The following PAK5 variants were observed in gnomAD, a reference collection of about 807,000 sequenced individuals.
PAK5 encodes p21 (RAC1) activated kinase 5.
Under a neutral mutation model 65.9 loss-of-function variants are expected in PAK5, and 16 were observed. The observed-to-expected ratio is 0.24, with a 90% CI of 0.16 to 0.37. The LOEUF (loss-of-function observed/expected upper bound fraction) is 0.37, where lower values mean the gene tolerates loss of function less well. PAK5 is among the 10% of genes least tolerant of loss of function. The pLI, the probability that PAK5 is intolerant of heterozygous loss-of-function variation, is 1.00. For synonymous variants in PAK5, 371 were observed against 354.9 expected (o/e 1.05, Z -0.51); for missense variants, 785 against 903.9 (o/e 0.87, Z 1.69).
rs192034265 is a variant in PAK5, at chr20:9,561,236, C to T, written c.1616+1655G>A. 1.5e-3 allele frequency among the ~76,000 whole-genome samples: 224 copies of T among 152,202 alleles called. 1 individual carries two copies. Among genetic ancestry groups the T allele is most frequent in the Middle Eastern group, 6.8e-3 (2 of 294 alleles). ...AAAATGGATTTTAGGGACAGACTGT[C>T]TTGAGTGGTTTCCATGGATACAAAA... On this transcript the variant is annotated intron_variant, in intron 6 of 9. Transcript: ENST00000353224.
chr20:9,717,095 A>AAAAAAAAAG (rs1158800869), intron 1 of PAK5, among the ~76,000 whole-genome samples: 28 of 152,192 alleles, frequency 1.8e-4, no homozygotes, highest in African/African-American at 6.5e-4. Context: ...AAAAAAAAAA[A>AAAAAAAAAG]AAAGAAAGAA....
intron 8 of PAK5, among the ~76,000 whole-genome samples, chr20:9,543,261 C>T (rs2045294957): frequency 6.6e-6 from 1 of 152,134 alleles, no homozygotes; most frequent in Non-Finnish European, 1.5e-5. Context: ...TGCACAAAAC[C>T]TCACTTTACA....
rs918298069 is a variant in PAK5 at position 9,838,373 on chromosome 20, G to A, written c.-162+389C>T. Among the ~76,000 whole-genome samples, 4 of 152,146 alleles carry A rather than the reference G, an allele frequency of 2.6e-5. No homozygotes were observed. Among genetic ancestry groups the A allele is most frequent in the African/African-American group, 7.2e-5 (3 of 41,432 alleles). On this transcript the variant is annotated intron_variant, in intron 1 of 9. Coordinates refer to ENST00000353224, the MANE Select transcript of PAK5 (RefSeq NM_177990.4). This position sits in a 1 kb window ranked among gnomAD's most constrained non-coding sequence, Gnocchi z 4.5. ...AGCAGCGCCGTGGCACCCCCAGGGC[G>A]TGCGCTGCTGTATACACACAAAGAA...
chr20:9,720,022 T>C (rs976284552), intron 1 of PAK5, among the ~76,000 whole-genome samples: 1 of 152,158 alleles, frequency 6.6e-6, no homozygotes, highest in African/African-American at 2.4e-5. Flanking sequence ...TTCACTAACC[T>C]TCACTTCAAT....
intron 1 of PAK5, among the ~76,000 whole-genome samples, chr20:9,800,210 AGATTC>A (rs2049153882): frequency 2.0e-5 from 3 of 152,130 alleles, no homozygotes; most frequent in South Asian, 4.1e-4. Context: ...TCTAACTTTG[AGATTC>A]ATGACGCTTT....
At chr20:9,823,302 T>C (rs2049445121) in intron 1 of PAK5, among the ~76,000 whole-genome samples, 1 of 152,178 alleles carries the variant, frequency 6.6e-6, no homozygotes, top group South Asian at 2.1e-4. Context: ...TAAATTTCTA[T>C]TATTTAAAAA....
intron 2 of PAK5, among the ~76,000 whole-genome samples, chr20:9,697,420 C>G (rs1419270195): frequency 1.3e-5 from 2 of 152,034 alleles, no homozygotes; most frequent in Non-Finnish European, 2.9e-5. Context: ...TCCAAATATG[C>G]TATTCCCTGT....
intron 7 of PAK5, among the ~76,000 whole-genome samples, chr20:9,549,509 C>G (rs1216757743): frequency 6.6e-6 from 1 of 152,048 alleles, no homozygotes; most frequent in African/African-American, 2.4e-5. Flanking sequence ...AGCAGTGGCT[C>G]TCAACCAACT....
At chr20:9,764,704 T>G (rs561535848) in intron 1 of PAK5, among the ~76,000 whole-genome samples, 12 of 152,326 alleles carry the variant, frequency 7.9e-5, no homozygotes, top group Admixed American at 5.9e-4. Context: ...ATCTTGTTAT[T>G]GCTTAAGAAA....
chr20:9,558,969 C>T (rs1255067469), intron 6 of PAK5, among the ~76,000 whole-genome samples: 2 of 152,182 alleles, frequency 1.3e-5, no homozygotes, highest in African/African-American at 2.4e-5. Context: ...AACCCCACCT[C>T]TTTTTTAGTC....
chr20:9,749,281 A>G (rs527655473), intron 1 of PAK5, among the ~76,000 whole-genome samples: 2 of 152,226 alleles, frequency 1.3e-5, no homozygotes, highest in East Asian at 1.9e-4. Context: ...CACACACACA[A>G]TTCAGATAAA....
intron 2 of PAK5, among the ~76,000 whole-genome samples, chr20:9,694,389 A>G (rs936669059): frequency 2.6e-5 from 4 of 151,312 alleles, no homozygotes; most frequent in Non-Finnish European, 5.9e-5. Context: ...GTCATGGGGT[A>G]TGACTTTGTA....
intron 2 of PAK5, among the ~76,000 whole-genome samples, chr20:9,703,410 C>G (rs1242145675): frequency 6.6e-6 from 1 of 152,108 alleles, no homozygotes; most frequent in Non-Finnish European, 1.5e-5. Context: ...AGTGGCCAAC[C>G]CAGAGAGCTA....
intron 3 of PAK5, among the ~76,000 whole-genome samples, chr20:9,599,083 C>T (rs1210270765): frequency 6.6e-6 from 1 of 152,138 alleles, no homozygotes; most frequent in African/African-American, 2.4e-5. Context: ...TATGACTTTG[C>T]CTATCTAGCT....
chr20:9,813,651 C>G (rs2049323550), intron 1 of PAK5, among the ~76,000 whole-genome samples: 1 of 151,994 alleles, frequency 6.6e-6, no homozygotes, highest in Non-Finnish European at 1.5e-5. Flanking sequence ...TGCTATATAG[C>G]AATGAGAATA....
chr20:9,616,591 T>C lies in PAK5; in HGVS notation c.204+27534A>G, dbSNP rs1260120194. ...TTCAGGGCTGGGCTGGGGACTGAGATTCCACATCTAACAAGCTCCCAGGGG... is the reference window on the plus strand; with the variant it reads ...TTCAGGGCTGGGCTGGGGACTGAGACTCCACATCTAACAAGCTCCCAGGGG... On this transcript the variant is annotated intron_variant, in intron 3 of 9. Transcript: ENST00000353224. 8.5e-5 allele frequency among the ~76,000 whole-genome samples: 13 copies of C among 152,314 alleles called. No homozygotes were observed. In the East Asian group the frequency reaches 2.3e-3, roughly 27 times the overall value.
At chr20:9,569,931 G>A (rs561053018) in intron 4 of PAK5, among the ~76,000 whole-genome samples, 3 of 152,138 alleles carry the variant, frequency 2.0e-5, no homozygotes, top group South Asian at 2.1e-4. Flanking sequence ...TAGCTGCTAA[G>A]CTGCCCTCCT....
chr20:9,617,826 A>T (rs924679770), intron 3 of PAK5, among the ~76,000 whole-genome samples: 1 of 152,056 alleles, frequency 6.6e-6, no homozygotes, highest in African/African-American at 2.4e-5. Context: ...AAGTGCTAGG[A>T]TTACAGGCGT....
chr20:9,760,028 T>C (rs1186259725), intron 1 of PAK5, among the ~76,000 whole-genome samples: 1 of 152,194 alleles, frequency 6.6e-6, no homozygotes, highest in Non-Finnish European at 1.5e-5. Context: ...AGGGCTTATA[T>C]TGAAAGTGTG....
Sources: gnomAD v4.1 joint callset for allele counts (sites outside exome capture counted in the v4.1 genomes callset) on GRCh38, gnomAD v4.1.1 for gene constraint, Gnocchi (gnomAD v3.1) non-coding constraint, MANE v1.5 for transcripts, NCBI Gene and HGNC (gene_info 2026-07-23, HGNC 2026-07-21) for gene names.